IGSF11: variants seen among roughly 807,000 people sequenced by gnomAD.
The protein encoded by IGSF11 is immunoglobulin superfamily member 11.
Under a neutral mutation model 41.0 loss-of-function variants are expected in IGSF11, and 22 were observed. That is an observed-to-expected ratio of 0.54 (90% CI 0.38 to 0.77). IGSF11 has a LOEUF of 0.77. Among genes scored for constraint, IGSF11 ranks in the 30% least tolerant of loss-of-function variants. The pLI, the probability that IGSF11 is intolerant of heterozygous loss-of-function variation, is 0.00. For synonymous variants in IGSF11, 219 were observed against 201.3 expected (o/e 1.09, Z -0.74); for missense variants, 444 against 530.8 (o/e 0.84, Z 1.61).
intron 1 of IGSF11, among the ~76,000 whole-genome samples, chr3:119,097,780 C>A (rs1260900514): frequency 6.6e-6 from 1 of 151,896 alleles, no homozygotes; most frequent in Non-Finnish European, 1.5e-5. Flanking sequence ...CAAGATGTCT[C>A]ATTTCTCCAT....
chr3:119,006,514 C>T (rs1370836309), intron 1 of IGSF11, among the ~76,000 whole-genome samples: 4 of 132,204 alleles, frequency 3.0e-5, no homozygotes, highest in Non-Finnish European at 3.1e-5. Flanking sequence ...TGAGGAACTG[C>T]GCTCCTTTGG....
rs567358490 is a variant in IGSF11, at chr3:119,008,464, G to T, written c.52+26067C>A. ...CTAAATCTGGATATTAAAAGATCCT[G>T]TACAGAAACCTAGGGAGTATTCAGA... On this transcript the variant is annotated intron_variant, in intron 1 of 6. Coordinates refer to ENST00000393775, the MANE Select transcript of IGSF11 (RefSeq NM_001015887.3). Among the ~76,000 whole-genome samples the T allele has an allele frequency of 2.0e-5, 3 of 152,336 alleles. No individual in the cohort carries two copies. In the East Asian group the frequency reaches 5.8e-4, roughly 29 times the overall value.
Position 119,034,644 on chromosome 3 carries a change from C to A in IGSF11, c.-62G>T, listed in dbSNP as rs921150991. The A allele has an allele frequency of 1.1e-5, 17 of 1,501,202 alleles. No individual in the cohort carries two copies. In the African/African-American group the frequency reaches 2.0e-4, roughly 17 times the overall value. The allele number at this position is 1,501,202 out of a possible 1,614,324, so 93.0% of individuals were successfully genotyped here. On this transcript the variant is annotated 5_prime_UTR_variant, in exon 1 of 7. Transcript: ENST00000393775. ...GCTCCCGGTCGCAACAGGAGAGGAG[C>A]GGGCGTGAGTCTCCGCGCTCTTGGG...
intron 1 of IGSF11, among the ~76,000 whole-genome samples, chr3:119,085,053 C>T (rs965716742): frequency 1.3e-5 from 2 of 152,186 alleles, no homozygotes; most frequent in East Asian, 1.9e-4. Flanking sequence ...GAGGGAGCCT[C>T]AACGCCCAAA....
intron 1 of IGSF11, among the ~76,000 whole-genome samples, chr3:119,051,751 T>C (rs1323841882): frequency 1.3e-5 from 2 of 152,200 alleles, no homozygotes; most frequent in Admixed American, 1.3e-4. Context: ...TCAATAAATT[T>C]AAGAAAATTG....
chr3:118,941,368 T>C (rs1279919724), intron 1 of IGSF11, among the ~76,000 whole-genome samples: 2 of 152,094 alleles, frequency 1.3e-5, no homozygotes, highest in African/African-American at 2.4e-5. Context: ...AGTAATAACA[T>C]CCTGAAACGA....
At chr3:119,107,410 C>G (rs2077051641), upstream of IGSF11, among the ~76,000 whole-genome samples, 1 of 152,174 alleles carries the variant, frequency 6.6e-6, no homozygotes, top group African/African-American at 2.4e-5. Context: ...TGTTCATATC[C>G]TTCACCCACT....
intron 1 of IGSF11, among the ~76,000 whole-genome samples, chr3:119,122,248 A>G (rs1167223210): frequency 1.3e-5 from 2 of 152,194 alleles, no homozygotes; most frequent in Admixed American, 6.5e-5. Flanking sequence ...TTGGGTAGAG[A>G]GAACACAGCA....
intron 1 of IGSF11, among the ~76,000 whole-genome samples, chr3:119,081,336 T>G (rs990429810): frequency 1.6e-4 from 24 of 152,170 alleles, no homozygotes; most frequent in Non-Finnish European, 3.5e-4. Context: ...TTTTTATTGC[T>G]TCTTGTTCCA....
At chr3:118,932,884 C>A (rs2107539300) in intron 1 of IGSF11, among the ~76,000 whole-genome samples, 1 of 152,310 alleles carries the variant, frequency 6.6e-6, no homozygotes, top group African/African-American at 2.4e-5. Context: ...CAGCAATTCA[C>A]TAATTTCAAG....
intron 1 of IGSF11, among the ~76,000 whole-genome samples, chr3:118,950,650 A>T (rs1241919338): frequency 1.3e-5 from 2 of 151,986 alleles, no homozygotes; most frequent in African/African-American, 4.8e-5. Flanking sequence ...ATAATAATAC[A>T]TTATAATAAT....
At chr3:118,917,297 C>CA (rs1386851238) in intron 4 of IGSF11, among the ~76,000 whole-genome samples, 1 of 149,432 alleles carries the variant, frequency 6.7e-6, no homozygotes, top group African/African-American at 2.5e-5. Flanking sequence ...AAAAACCCTT[C>CA]AAAAAATCAA....
intron 1 of IGSF11, among the ~76,000 whole-genome samples, chr3:118,996,320 C>T (rs1936266382): frequency 6.6e-6 from 1 of 152,218 alleles, no homozygotes; most frequent in East Asian, 1.9e-4. Flanking sequence ...GCTACTCCCA[C>T]ACATTCCATA....
chr3:119,073,450 G>C (rs568214817), intron 1 of IGSF11, among the ~76,000 whole-genome samples: 44 of 152,314 alleles, frequency 2.9e-4, no homozygotes, highest in Admixed American at 6.5e-4. Flanking sequence ...TGGTGCCATG[G>C]AGCAGGTGGT....
At position 118,961,804 on chromosome 3, in the gene IGSF11, T is replaced by C. The variant is rs564826722; in HGVS notation, c.53-31529A>G. 2.4e-4 allele frequency among the ~76,000 whole-genome samples: 37 copies of C among 152,238 alleles called. 1 individual carries two copies. Among genetic ancestry groups the C allele is most frequent in the South Asian group, 4.1e-4 (2 of 4,834 alleles). The stretch of plus-strand genomic sequence containing the variant: ...ACTATGAAATAGCAATTTTAAACAA[T>C]GTAATTAATAAATTACTCCCTGTTA... On this transcript the variant is annotated intron_variant, in intron 1 of 6. Transcript: ENST00000393775.
chr3:118,939,905 T>TA (rs1455210326), intron 1 of IGSF11, among the ~76,000 whole-genome samples: 2 of 152,158 alleles, frequency 1.3e-5, no homozygotes, highest in Non-Finnish European at 2.9e-5. Flanking sequence ...GGTAAATCAA[T>TA]AAAATCAAAA....
chr3:119,009,252 C>T (rs1012352310), intron 1 of IGSF11, among the ~76,000 whole-genome samples: 1 of 148,552 alleles, frequency 6.7e-6, no homozygotes, highest in Non-Finnish European at 1.5e-5. Context: ...TTGCATAAAG[C>T]CCTTTGCAAC....
chr3:119,000,063 CT>C (rs1297321950), intron 1 of IGSF11, among the ~76,000 whole-genome samples: 3,831 of 98,710 alleles, frequency 0.039, 93 homozygotes, highest in African/African-American at 0.14. Flanking sequence ...ATTCATTATT[CT>C]TTTTTTTTTT....
intron 1 of IGSF11, among the ~76,000 whole-genome samples, chr3:118,976,007 GAATCTA>G (rs1336821223): frequency 6.6e-6 from 1 of 151,974 alleles, no homozygotes; most frequent in African/African-American, 2.4e-5. Flanking sequence ...GGTACCCTCT[GAATCTA>G]AAAGTTGAAA....
Sources: gnomAD v4.1 joint callset for allele counts (sites outside exome capture counted in the v4.1 genomes callset) on GRCh38, gnomAD v4.1.1 for gene constraint, MANE v1.5 for transcripts, NCBI Gene and HGNC (gene_info 2026-07-23, HGNC 2026-07-21) for gene names.